TOR1A: variants seen among roughly 807,000 people sequenced by gnomAD.
TOR1A encodes torsin-1A.
In TOR1A, 18 loss-of-function variants were observed where a neutral mutation model predicts 31.4. The observed-to-expected ratio is 0.57, with a 90% CI of 0.40 to 0.85. The LOEUF (loss-of-function observed/expected upper bound fraction) is 0.85, where lower values mean the gene tolerates loss of function less well. TOR1A is among the 40% of genes least tolerant of loss of function. The pLI is 0.00. For missense variants in TOR1A, 375 were observed against 416.4 expected, an observed-to-expected ratio of 0.90 and a Z score of 0.87; for synonymous variants, 168 against 165.9, an observed-to-expected ratio of 1.01 and a Z score of -0.10.
At chr9:129,816,561 C>T (rs1219384333) in intron 4 of TOR1A, among the ~76,000 whole-genome samples, 1 of 152,170 alleles carries the variant, frequency 6.6e-6, no homozygotes, top group East Asian at 1.9e-4. Flanking sequence ...CTGTGTCCCC[C>T]GTCCTAGGTA....
chr9:129,822,370 C>T (rs574645073), intron 2 of TOR1A: 18 of 702,358 alleles, frequency 2.6e-5, no homozygotes, highest in Non-Finnish European at 4.5e-5. Flanking sequence ...CTCACTGGAC[C>T]GATTTTCAGA....
At position 129,818,564 on chromosome 9, in the gene TOR1A, T is replaced by A; in HGVS notation, c.704A>T (p.Asp235Val). The change falls in exon 4 of 5, where the codon GAC becomes GTC. Residue 235 changes from aspartate to valine, a missense_variant. Physicochemically the swap from Asp to Val is radical, Grantham distance 152. Transcript: ENST00000351698. ...CGACACAGACAACGCGTGTTCAATG[T>A]CTTTGAGCTTGATGTCTTCCCTCTG... Reference protein sequence around the residue: ...GKQREDIKLKDIEHALSVSVF... With the variant: ...GKQREDIKLKVIEHALSVSVF... 2 of 1,614,214 alleles carry A rather than the reference T, an allele frequency of 1.2e-6. No homozygotes were observed. Among genetic ancestry groups the A allele is most frequent in the South Asian group, 2.2e-5 (2 of 91,084 alleles).
Position 129,813,578 on chromosome 9 carries a change from C to CTT in TOR1A, c.*392_*393dup. ...AAAAACACACACACAAGGCCAACAA[C>CTT]TTAGAATCTGAGCAGTCTCTCATAA... On this transcript the variant is annotated 3_prime_UTR_variant, in exon 5 of 5. Transcript: ENST00000351698. The CTT allele has an allele frequency of 3.2e-6, 1 of 308,046 alleles. No homozygotes were observed. Among genetic ancestry groups the CTT allele is most frequent in the South Asian group, 3.0e-5 (1 of 33,286 alleles). The allele number at this position is 308,046 out of a possible 1,614,324, so 19.1% of individuals were successfully genotyped here.
chr9:129,814,312 C>T lies in TOR1A; in HGVS notation c.749-90G>A, dbSNP rs77407702. The T allele has an allele frequency of 3.5e-4, 551 of 1,596,586 alleles. 4 individuals carry two copies. In the East Asian group the frequency reaches 0.011, roughly 31 times the overall value. ...GGGGTCACTTACCTACCCTCCCATC[C>T]GTCCCACAAACGTCTACTGGGGGTC... is the stretch of plus-strand genomic sequence containing the variant. On this transcript the variant is annotated intron_variant, in intron 4 of 4. Transcript: ENST00000351698.
chr9:129,813,940 C>T lies in TOR1A; in HGVS notation c.*32G>A, dbSNP rs549939567. 2.5e-6 allele frequency: 4 copies of T among 1,612,364 alleles called. No homozygotes were observed. The East Asian group carries it at 8.9e-5, about 36-fold the overall frequency. ...CTGAGTGTTGTTTCTTTTCCAACTC[C>T]AGGCAGTGACTCCGGCTGCCAATCA... On this transcript the variant is annotated 3_prime_UTR_variant, in exon 5 of 5. Coordinates refer to ENST00000351698, the MANE Select transcript of TOR1A (RefSeq NM_000113.3).
chr9:129,815,846 C>T (rs1214450675), intron 4 of TOR1A, among the ~76,000 whole-genome samples: 1 of 152,184 alleles, frequency 6.6e-6, no homozygotes, highest in East Asian at 1.9e-4. Context: ...GGAAGTCTTA[C>T]AGGTTCTACC....
Position 129,813,947 on chromosome 9 carries a change from T to G in TOR1A, c.*25A>C, listed in dbSNP as rs1011603053. ...TTGTTTCTTTTCCAACTCCAGGCAG[T>G]GACTCCGGCTGCCAATCATGACTGT... On this transcript the variant is annotated 3_prime_UTR_variant, in exon 5 of 5. Transcript: ENST00000351698. 1.2e-6 allele frequency: 2 copies of G among 1,612,996 alleles called. No individual in the cohort carries two copies. The highest frequency in any genetic ancestry group is 3.3e-5 in the Admixed American group (2 of 60,010).
At chr9:129,816,492 C>A (rs551702866) in intron 4 of TOR1A, among the ~76,000 whole-genome samples, 2 of 152,318 alleles carry the variant, frequency 1.3e-5, no homozygotes, top group South Asian at 4.1e-4. Context: ...CATTTTCTTT[C>A]TTTATTATCA....
At chr9:129,816,213 G>C (rs755445468) in intron 4 of TOR1A, among the ~76,000 whole-genome samples, 1 of 152,176 alleles carries the variant, frequency 6.6e-6, no homozygotes. Context: ...ACTGGGGAAT[G>C]CTTTTCCCTC....
At chr9:129,822,963 AACCTCAAGT>A in intron 1 of TOR1A, 117 bp from the exon 2 acceptor site, 1 of 1,439,924 alleles carries the variant, frequency 6.9e-7, no homozygotes, top group South Asian at 1.2e-5. Context: ...CACCTTGCGA[AACCTCAAGT>A]ACTGCGGTCT....
chr9:129,823,832 C>G, intron 1 of TOR1A, 76 bp downstream of exon 1: 2 of 1,511,804 alleles, frequency 1.3e-6, no homozygotes, highest in Non-Finnish European at 1.8e-6. Context: ...TCTCCATGCC[C>G]TGGTCCTAGT....
chr9:129,822,615 T>A lies in TOR1A; in HGVS notation c.410A>T (p.His137Leu), dbSNP rs767640469. ...GGTGATGTTTGAAGCATGTGGAAAG[T>A]GCAATGTGGCCACAAACAGGTGGAC... The part of the protein sequence containing the change: ...DYVHLFVATL[H>L]FPHASNITLY... The change falls in exon 2 of 5, where the codon CAC becomes CTC. Residue 137 changes from histidine to leucine, a missense_variant. Physicochemically the swap from His to Leu is moderately conservative, Grantham distance 99. Transcript: ENST00000351698. The A allele has an allele frequency of 2.5e-6, 4 of 1,614,088 alleles. No homozygotes were observed. The Admixed American group carries it at 6.7e-5, about 27-fold the overall frequency.
intron 2 of TOR1A, 67 bp from the exon 3 acceptor site, chr9:129,818,987 C>T (rs2031114684): frequency 3.8e-6 from 6 of 1,558,736 alleles, no homozygotes; most frequent in Non-Finnish European, 5.2e-6. Flanking sequence ...CTCCTTCTAC[C>T]ACTAAGAACC....
Position 129,814,009 on chromosome 9 carries a change from GT to G in TOR1A, c.961del (p.Thr321ArgfsTer6), listed in dbSNP as rs774552108. 11 of 1,614,080 alleles carry G rather than the reference GT, an allele frequency of 6.8e-6. No homozygotes were observed. The highest frequency in any genetic ancestry group is 3.3e-5 in the Admixed American group (2 of 60,004). ...ERVFSDKGCK[T>X]VFTKLDYYYD... is the part of the protein sequence containing the mutation. ...GTAATAATCTAACTTGGTGAACACC[GT>G]TTTGCAGCCTTTATCTGAGAAAACT... On this transcript the variant is annotated frameshift_variant, in exon 5 of 5. Transcript: ENST00000351698. LOFTEE classifies it high-confidence loss of function.
intron 2 of TOR1A, among the ~76,000 whole-genome samples, chr9:129,819,222 C>T (rs772024983): frequency 1.3e-4 from 20 of 152,176 alleles, no homozygotes; most frequent in Non-Finnish European, 2.1e-4. Context: ...ACTTTGGTTA[C>T]GGTTCCCGCA....
intron 2 of TOR1A, among the ~76,000 whole-genome samples, chr9:129,819,942 AT>A (rs201297862): frequency 0.051 from 7,458 of 145,768 alleles, 448 homozygotes; most frequent in African/African-American, 0.14. Flanking sequence ...AAAAAAAAAA[AT>A]AATAATAATA....
In TOR1A at chr9:129,823,280, C is replaced by T; in HGVS notation, c.179-434G>A. 3 of 315,812 alleles carry T rather than the reference C, an allele frequency of 9.5e-6. No homozygotes were observed. The Admixed American group carries it at 1.4e-4, about 15-fold the overall frequency. The allele number at this position is 315,812 out of a possible 1,614,324, so 19.6% of individuals were successfully genotyped here. On this transcript the variant is annotated intron_variant, in intron 1 of 4. Coordinates refer to ENST00000351698, the MANE Select transcript of TOR1A (RefSeq NM_000113.3). ...GGAGGGAGGTTACCACTGGTCCACC[C>T]CCAGCTTAGCGCAAAGTAGGCCAAC... is the stretch of plus-strand genomic sequence containing the variant.
At chr9:129,814,363 T>C in intron 4 of TOR1A, 141 bp from the exon 5 acceptor site, 3 of 1,306,288 alleles carry the variant, frequency 2.3e-6, no homozygotes, top group Non-Finnish European at 3.2e-6. Flanking sequence ...ACACACCTAC[T>C]GGGGGTCACC....
chr9:129,819,209 G>A (rs1391685292), intron 2 of TOR1A, among the ~76,000 whole-genome samples: 3 of 152,170 alleles, frequency 2.0e-5, no homozygotes, highest in Non-Finnish European at 4.4e-5. Context: ...TCCAAAGCCC[G>A]ATACTTTGGT....
Sources: allele counts gnomAD v4.1 joint callset (sites outside exome capture counted in the v4.1 genomes callset), GRCh38; gene constraint gnomAD v4.1.1; transcripts MANE v1.5; gene names NCBI Gene and HGNC (gene_info 2026-07-23, HGNC 2026-07-21).